Variants in LURAP1L observed in about 807,000 individuals in gnomAD.
LURAP1L encodes the protein leucine rich adaptor protein 1-like.
A neutral mutation model predicts 13.8 loss-of-function variants in LURAP1L; 12 were observed. That is an observed-to-expected ratio of 0.87 (90% confidence interval 0.56 to 1.41). LURAP1L has a LOEUF of 1.41. LURAP1L is among the 40% of genes most tolerant of loss of function. LURAP1L has a pLI of 0.00. For missense variants in LURAP1L, 375 were observed against 292.9 expected, an observed-to-expected ratio of 1.28 and a Z score of -2.04; for synonymous variants, 139 against 119.2, an observed-to-expected ratio of 1.17 and a Z score of -1.08.
chr9:12,807,717 AT>A (rs1428821279), intron 1 of LURAP1L, among the ~76,000 whole-genome samples: 17 of 152,202 alleles, frequency 1.1e-4, no homozygotes, highest in Admixed American at 5.9e-4. Context: ...ATATTTGTAC[AT>A]ATTTTCTATT....
intron 1 of LURAP1L, among the ~76,000 whole-genome samples, chr9:12,816,533 T>A (rs1035054949): frequency 6.6e-6 from 1 of 152,176 alleles, no homozygotes; most frequent in Non-Finnish European, 1.5e-5. Flanking sequence ...TCCGACTGCA[T>A]TTTTTTCTTA....
chr9:12,788,216 ATG>A (rs1467115539), intron 1 of LURAP1L, among the ~76,000 whole-genome samples: 3 of 146,146 alleles, frequency 2.1e-5, no homozygotes, highest in African/African-American at 7.7e-5. Context: ...GAAAAGCTCA[ATG>A]TGTTTCTCAT....
chr9:12,794,927 C>A (rs1421574089), intron 1 of LURAP1L, among the ~76,000 whole-genome samples: 1 of 151,984 alleles, frequency 6.6e-6, no homozygotes. Context: ...CTTAACTAAT[C>A]ATCAGGTAGG....
intron 1 of LURAP1L, among the ~76,000 whole-genome samples, chr9:12,797,741 C>A (rs1819527918): frequency 6.6e-6 from 1 of 152,016 alleles, no homozygotes; most frequent in South Asian, 2.1e-4. Flanking sequence ...AGAGAAATAT[C>A]AAATAAACCC....
At chr9:12,795,310 G>A (rs1372998533) in intron 1 of LURAP1L, among the ~76,000 whole-genome samples, 1 of 151,812 alleles carries the variant, frequency 6.6e-6, no homozygotes, top group Non-Finnish European at 1.5e-5. Flanking sequence ...CAGTTCTTTC[G>A]TGGCTAGAAC....
intron 1 of LURAP1L, among the ~76,000 whole-genome samples, chr9:12,789,726 A>G (rs775917976): frequency 1.5e-4 from 23 of 152,184 alleles, no homozygotes; most frequent in Non-Finnish European, 2.2e-4. Flanking sequence ...CATAGGGCAT[A>G]TGGGAGCCTG....
At chr9:12,816,044 A>G (rs963154635) in intron 1 of LURAP1L, among the ~76,000 whole-genome samples, 1 of 152,188 alleles carries the variant, frequency 6.6e-6, no homozygotes, top group Non-Finnish European at 1.5e-5. Flanking sequence ...TATAGCCTGA[A>G]TAATTTTCTC....
Position 12,821,374 on chromosome 9 carries a change from CTT to C in LURAP1L, c.313-10_313-9del. Reference sequence around the variant, plus strand: ...AATGGCTGGAATATCTTTCTTCTCTCTTTGTCCATAGGTTAACCTCAGAGCCA... The same window carrying C: ...AATGGCTGGAATATCTTTCTTCTCTCTGTCCATAGGTTAACCTCAGAGCCA... On this transcript the variant is annotated splice_polypyrimidine_tract_variant and intron_variant, in intron 1 of 1. Coordinates refer to ENST00000319264, the MANE Select transcript of LURAP1L (RefSeq NM_203403.2). 1.2e-6 allele frequency: 2 copies of C among 1,601,792 alleles called. No individual in the cohort carries two copies. Among genetic ancestry groups the C allele is most frequent in the African/African-American group, 1.3e-5 (1 of 74,642 alleles).
At chr9:12,812,128 T>G (rs1047585165) in intron 1 of LURAP1L, among the ~76,000 whole-genome samples, 6 of 152,300 alleles carry the variant, frequency 3.9e-5, no homozygotes, top group African/African-American at 1.4e-4. Flanking sequence ...TTCTCAGAAA[T>G]GACACCTCAT....
At chr9:12,781,567 T>A (rs915614715) in intron 1 of LURAP1L, among the ~76,000 whole-genome samples, 1 of 152,220 alleles carries the variant, frequency 6.6e-6, no homozygotes, top group Non-Finnish European at 1.5e-5. Flanking sequence ...CTTCCATCCA[T>A]GTTGTTGCAA....
At chr9:12,782,310 ATT>A (rs1819284262) in intron 1 of LURAP1L, among the ~76,000 whole-genome samples, 1 of 152,184 alleles carries the variant, frequency 6.6e-6, no homozygotes, top group Non-Finnish European at 1.5e-5. Context: ...CTTATGGGAT[ATT>A]CCTCAAGAAG....
At chr9:12,819,598 G>C (rs1232511764) in intron 1 of LURAP1L, among the ~76,000 whole-genome samples, 1 of 152,144 alleles carries the variant, frequency 6.6e-6, no homozygotes, top group Non-Finnish European at 1.5e-5. Context: ...CCTAAAGAAA[G>C]AATTAGCATG....
At chr9:12,806,374 G>C (rs1297612266) in intron 1 of LURAP1L, among the ~76,000 whole-genome samples, 1 of 151,734 alleles carries the variant, frequency 6.6e-6, no homozygotes, top group Non-Finnish European at 1.5e-5. Context: ...TATAACCTTT[G>C]AGATTATCTT....
intron 1 of LURAP1L, among the ~76,000 whole-genome samples, chr9:12,819,258 T>C (rs1251146033): frequency 6.6e-6 from 1 of 152,186 alleles, no homozygotes; most frequent in Non-Finnish European, 1.5e-5. Context: ...TCAAGTCACT[T>C]CAGTATTCCA....
At chr9:12,819,824 C>T (rs1176410198) in intron 1 of LURAP1L, among the ~76,000 whole-genome samples, 2 of 151,964 alleles carry the variant, frequency 1.3e-5, no homozygotes, top group African/African-American at 4.8e-5. Context: ...CATGGTGTTG[C>T]GTGCCTGTAA....
At chr9:12,776,341 G>C (rs891001553) in intron 1 of LURAP1L, among the ~76,000 whole-genome samples, 5 of 152,166 alleles carry the variant, frequency 3.3e-5, no homozygotes, top group Admixed American at 1.3e-4. Context: ...AGCCTCTTAG[G>C]CACCAGCCCG....
chr9:12,775,543 G>C lies in LURAP1L; in HGVS notation c.-173G>C, dbSNP rs1252394142. ...GCTGCGACCCCCCGCGTCCTGTGCG[G>C]ATTTCAGGGCTGATACCGCATAGGC... is the stretch of plus-strand genomic sequence containing the variant. On this transcript the variant is annotated 5_prime_UTR_variant, in exon 1 of 2. Transcript: ENST00000319264. 25 of 1,087,668 alleles carry C rather than the reference G, an allele frequency of 2.3e-5. No homozygotes were observed. The highest frequency in any genetic ancestry group is 3.0e-5 in the Non-Finnish European group (24 of 807,904). The allele number at this position is 1,087,668 out of a possible 1,614,324, so 67.4% of individuals were successfully genotyped here.
At position 12,816,162 on chromosome 9, in the gene LURAP1L, TATTAA is replaced by T. The variant is rs201445989; in HGVS notation, c.313-5217_313-5213del. Among the ~76,000 whole-genome samples the T allele has an allele frequency of 6.0e-3, 911 of 152,338 alleles. 9 individuals carry two copies. The highest frequency in any genetic ancestry group is 0.019 in the African/African-American group (810 of 41,582). ...GATTATCTGATCTGTAGACTCTTCC[TATTAA>T]ATTAAACATTAAATGCCTGAAATGT... On this transcript the variant is annotated intron_variant, in intron 1 of 1. Transcript: ENST00000319264.
At chr9:12,809,622 G>T (rs561442689) in intron 1 of LURAP1L, among the ~76,000 whole-genome samples, 2 of 152,274 alleles carry the variant, frequency 1.3e-5, no homozygotes, top group African/African-American at 2.4e-5. Context: ...ACTTGAGTCT[G>T]GTTCTGATGC....
Sources: gnomAD v4.1 joint callset for allele counts (sites outside exome capture counted in the v4.1 genomes callset) on GRCh38, gnomAD v4.1.1 for gene constraint, MANE v1.5 for transcripts, NCBI Gene and HGNC (gene_info 2026-07-23, HGNC 2026-07-21) for gene names.